Variants in SVEP1 observed in about 807,000 individuals in gnomAD.
SVEP1 encodes the protein sushi, von Willebrand factor type A, EGF and pentraxin domain-containing protein 1.
SVEP1 carries 164 observed loss-of-function variants against 367.3 expected under a neutral mutation model. The ratio of observed to expected loss-of-function variants is 0.45; its 90% CI spans 0.39 to 0.51. The LOEUF (loss-of-function observed/expected upper bound fraction) is 0.51, where lower values mean the gene tolerates loss of function less well. Among genes scored for constraint, SVEP1 ranks in the 20% least tolerant of loss-of-function variants. SVEP1 has a pLI of 0.00. For missense variants in SVEP1, 4,117 were observed against 4,425.3 expected (o/e 0.93, Z 1.98); for synonymous variants, 1,666 against 1,611.6 (o/e 1.03, Z -0.81).
chr9:110,464,628 T>C (rs1293488443), intron 18 of SVEP1, among the ~76,000 whole-genome samples: 2 of 152,208 alleles, frequency 1.3e-5, no homozygotes, highest in Non-Finnish European at 2.9e-5. Flanking sequence ...TGTCTCTGTG[T>C]AGCCTGAGAG....
chr9:110,393,394 C>T (rs369855510), intron 40 of SVEP1, among the ~76,000 whole-genome samples: 7 of 152,076 alleles, frequency 4.6e-5, no homozygotes, highest in African/African-American at 1.2e-4. Flanking sequence ...AGAAAAGTGG[C>T]GATGAGATGG....
intron 39 of SVEP1, among the ~76,000 whole-genome samples, chr9:110,401,322 AC>A (rs1226745478): frequency 6.6e-6 from 1 of 152,090 alleles, no homozygotes; most frequent in Non-Finnish European, 1.5e-5. Context: ...ATGCACGAGA[AC>A]TGGAGGTTAA....
intron 1 of SVEP1, among the ~76,000 whole-genome samples, chr9:110,575,286 C>T (rs1830613945): frequency 6.6e-6 from 1 of 152,098 alleles, no homozygotes; most frequent in Admixed American, 6.6e-5. Flanking sequence ...TTGAGGGGAG[C>T]ACTGTGTACT....
intron 7 of SVEP1, among the ~76,000 whole-genome samples, chr9:110,498,839 C>A (rs1829489451): frequency 6.6e-6 from 1 of 152,186 alleles, no homozygotes; most frequent in Non-Finnish European, 1.5e-5. Context: ...TGTATTTCTT[C>A]TGTCATTGTC....
At chr9:110,482,729 T>C (rs1829212196) in intron 10 of SVEP1, among the ~76,000 whole-genome samples, 1 of 152,134 alleles carries the variant, frequency 6.6e-6, no homozygotes, top group South Asian at 2.1e-4. Context: ...GGTTTCACCA[T>C]GTTGGCCAGG....
intron 5 of SVEP1, among the ~76,000 whole-genome samples, chr9:110,504,019 TTTTTTA>T (rs1213836534): frequency 4.0e-5 from 3 of 75,880 alleles, no homozygotes; most frequent in African/African-American, 1.1e-4. Flanking sequence ...AGCTTTTTAT[TTTTTTA>T]TTTTATTTTA....
At chr9:110,543,939 T>C (rs1830185710) in intron 3 of SVEP1, among the ~76,000 whole-genome samples, 1 of 152,082 alleles carries the variant, frequency 6.6e-6, no homozygotes, top group South Asian at 2.1e-4. Flanking sequence ...CCCACCTTTT[T>C]TCTGCTTAAG....
chr9:110,446,165 A>G (rs1828594895), intron 25 of SVEP1, 127 bp from the exon 26 acceptor site: 1 of 770,056 alleles, frequency 1.3e-6, no homozygotes, highest in African/African-American at 1.8e-5. Context: ...GCAGTTTCAA[A>G]ATTAAATACA....
chr9:110,397,044 A>AG (rs1827773824), intron 40 of SVEP1, among the ~76,000 whole-genome samples: 1 of 152,184 alleles, frequency 6.6e-6, no homozygotes. Context: ...CAACCAAAAA[A>AG]GAGAATTTTA....
chr9:110,427,519 G>A, intron 36 of SVEP1, 72 bp downstream of exon 36: 5 of 1,510,006 alleles, frequency 3.3e-6, no homozygotes, highest in Non-Finnish European at 4.4e-6. Context: ...GTCCAATGGA[G>A]CCCATCTCTG....
rs887082881 is a variant in SVEP1 at position 110,572,727 on chromosome 9, C to T, written c.531+6286G>A. Among the ~76,000 whole-genome samples, 43 of 139,538 alleles carry T rather than the reference C, an allele frequency of 3.1e-4. 1 individual carries two copies. Among genetic ancestry groups the T allele is most frequent in the Non-Finnish European group, 5.4e-4 (36 of 66,508 alleles). 91.5% of individuals were successfully genotyped at this position (139,538 alleles called of 152,430 possible). A position where few individuals can be genotyped will look rare whatever the true frequency, so the allele number is the denominator to read the frequency against. On this transcript the variant is annotated intron_variant, in intron 1 of 47. Transcript: ENST00000374469. The stretch of plus-strand genomic sequence containing the variant: ...AAATACAAAATTTAGTCAGGTGTGA[C>T]GCCGAGATGGCGTCACTGCACTCCA...
In SVEP1 at chr9:110,503,116, C is replaced by T. The variant is rs758717515; in HGVS notation, c.1405G>A (p.Gly469Arg). The T allele has an allele frequency of 2.5e-6, 4 of 1,612,584 alleles. No individual in the cohort carries two copies. Among genetic ancestry groups the T allele is most frequent in the South Asian group, 1.1e-5 (1 of 91,074 alleles). Residue 469 changes from glycine (G) to arginine (R), a missense_variant, in exon 6 of 48, where the codon GGG becomes AGG. Gly to Arg is a moderately radical substitution (Grantham distance 125, BLOSUM62 -2). This residue lies in a region of SVEP1 where 2,174 missense variants were observed against 2,494.3 expected (regional missense o/e 0.87). Transcript: ENST00000374469. Reference sequence around the variant, plus strand: ...TTATCACTGCCTTCTAGTCTGTACCCTTCATCACAGGCAACCAAACATGTT... The same window carrying T: ...TTATCACTGCCTTCTAGTCTGTACCTTTCATCACAGGCAACCAAACATGTT... Reference protein sequence around the residue: ...KTTCLVACDEGYRLEGSDKLT... With the variant: ...KTTCLVACDERYRLEGSDKLT...
chr9:110,500,298 C>A (rs1008876265), intron 6 of SVEP1, among the ~76,000 whole-genome samples: 1 of 152,030 alleles, frequency 6.6e-6, no homozygotes, highest in African/African-American at 2.4e-5. Context: ...TGTGGTTCGA[C>A]GATAATGACA....
chr9:110,481,995 G>T (rs1829198522), intron 11 of SVEP1, among the ~76,000 whole-genome samples: 1 of 152,122 alleles, frequency 6.6e-6, no homozygotes, highest in Admixed American at 6.5e-5. Flanking sequence ...TTACAGGCGT[G>T]AGTCACCATG....
At chr9:110,392,119 G>A (rs1827664216) in intron 40 of SVEP1, among the ~76,000 whole-genome samples, 1 of 117,260 alleles carries the variant, frequency 8.5e-6, no homozygotes, top group Non-Finnish European at 1.7e-5. Context: ...ATTAACTTGT[G>A]ACCCAATTCC....
chr9:110,409,164 G>T (rs910139227), intron 37 of SVEP1, among the ~76,000 whole-genome samples: 1 of 152,192 alleles, frequency 6.6e-6, no homozygotes, highest in Non-Finnish European at 1.5e-5. Context: ...GGCTCGGCAT[G>T]ACGATTCATG....
intron 3 of SVEP1, among the ~76,000 whole-genome samples, chr9:110,539,806 A>G (rs12379248): frequency 0.03 from 4,521 of 152,114 alleles, 79 homozygotes; most frequent in African/African-American, 0.05. Flanking sequence ...CACAAAAATT[A>G]TATTCTTAAT....
At chr9:110,401,859 T>A (rs1175961042) in intron 39 of SVEP1, among the ~76,000 whole-genome samples, 1 of 152,046 alleles carries the variant, frequency 6.6e-6, no homozygotes, top group East Asian at 1.9e-4. Context: ...TTGCTAATAT[T>A]TTTCTGTTTT....
chr9:110,503,230 A>G lies in SVEP1; in HGVS notation c.1304-13T>C, dbSNP rs993485540. On this transcript the variant is annotated splice_polypyrimidine_tract_variant and intron_variant, in intron 5 of 47. Transcript: ENST00000374469. ...GGACATGTTCTTACTATGTAAAATG[A>G]AAGCAATTAGATCACATTTTGCTAA... is the stretch of plus-strand genomic sequence containing the variant. 2.5e-6 allele frequency: 4 copies of G among 1,601,774 alleles called. No homozygotes were observed. The highest frequency in any genetic ancestry group is 3.4e-6 in the Non-Finnish European group (4 of 1,175,486).
Sources: gnomAD v4.1 joint callset for allele counts (sites outside exome capture counted in the v4.1 genomes callset) on GRCh38, gnomAD v4.1.1 for gene constraint, gnomAD v4.1.1 regional missense constraint, MANE v1.5 for transcripts, NCBI Gene and HGNC (gene_info 2026-07-23, HGNC 2026-07-21) for gene names.